Variants in NAALADL2 observed in about 807,000 individuals in gnomAD.
NAALADL2 encodes N-acetylated alpha-linked acidic dipeptidase like 2.
NAALADL2 carries 76 observed loss-of-function variants against 87.2 expected under a neutral mutation model. The ratio of observed to expected loss-of-function variants is 0.87; its 90% CI spans 0.72 to 1.05. NAALADL2 has a LOEUF of 1.05. Ranked by LOEUF, NAALADL2 falls within the 50% of genes least tolerant of loss-of-function variation. NAALADL2 has a pLI of 0.00. For synonymous variants in NAALADL2, 354 were observed against 331.0 expected (o/e 1.07, Z -0.75); for missense variants, 1,089 against 945.8 (o/e 1.15, Z -1.99).
intron 5 of NAALADL2, among the ~76,000 whole-genome samples, chr3:175,376,451 A>G (rs1422716041): frequency 6.6e-6 from 1 of 152,024 alleles, no homozygotes; most frequent in Non-Finnish European, 1.5e-5. Flanking sequence ...GTTGTTCTAT[A>G]GACTTGTGGA....
At chr3:174,521,568 T>A (rs1720289355) in intron 1 of NAALADL2, among the ~76,000 whole-genome samples, 1 of 70,764 alleles carries the variant, frequency 1.4e-5, no homozygotes, top group Non-Finnish European at 2.4e-5. Flanking sequence ...CTAGACCCTG[T>A]CTCAAAAAAA....
chr3:174,550,437 A>T (rs1711982539), intron 1 of NAALADL2: 1 of 152,104 alleles, frequency 6.6e-6, no homozygotes, highest in Non-Finnish European at 1.5e-5. Flanking sequence ...TAGTTAAAAG[A>T]TTCTGCAACA....
chr3:174,532,391 T>C (rs1721327072), intron 1 of NAALADL2, among the ~76,000 whole-genome samples: 1 of 152,114 alleles, frequency 6.6e-6, no homozygotes, highest in Admixed American at 6.5e-5. Context: ...CTTATCACTA[T>C]TGAGAGGTCA....
intron 5 of NAALADL2, among the ~76,000 whole-genome samples, chr3:175,425,240 C>T (rs188110721): frequency 1.5e-3 from 230 of 152,094 alleles, no homozygotes; most frequent in East Asian, 7.6e-3. Flanking sequence ...AAATATGTAA[C>T]GTGAGGTTCT....
In NAALADL2 at chr3:175,355,022, A is replaced by ATGTGTGTG. The variant is rs3067322; in HGVS notation, c.1090+30727_1090+30734dup. The stretch of plus-strand genomic sequence containing the variant: ...TTATATATATAATTGCTATATATAT[A>ATGTGTGTG]TGTGTGTGTGTGTGTGTGTGTGTGT... On this transcript the variant is annotated intron_variant, in intron 5 of 13. Coordinates refer to ENST00000454872, the MANE Select transcript of NAALADL2 (RefSeq NM_207015.3). Among the ~76,000 whole-genome samples, 709 of 139,426 alleles carry ATGTGTGTG rather than the reference A, an allele frequency of 5.1e-3. 7 individuals carry two copies. Among genetic ancestry groups the ATGTGTGTG allele is most frequent in the African/African-American group, 0.019 (676 of 36,276 alleles). The allele number at this position is 139,426 out of a possible 152,430, so 91.5% of individuals were successfully genotyped here.
intron 5 of NAALADL2, among the ~76,000 whole-genome samples, chr3:175,326,108 T>A (rs1760675804): frequency 6.6e-6 from 1 of 152,238 alleles, no homozygotes; most frequent in Non-Finnish European, 1.5e-5. Flanking sequence ...GCTGCTTAGA[T>A]ATATTCTTCT....
At chr3:175,761,408 G>A (rs959629204) in intron 13 of NAALADL2, among the ~76,000 whole-genome samples, 24 of 152,260 alleles carry the variant, frequency 1.6e-4, no homozygotes, top group African/African-American at 1.9e-4. Context: ...CATTTTTGAA[G>A]GGCATTTTTG....
intron 4 of NAALADL2, among the ~76,000 whole-genome samples, chr3:175,258,702 T>C (rs377290856): frequency 1.8e-3 from 271 of 152,280 alleles, no homozygotes; most frequent in African/African-American, 6.1e-3. Context: ...GCCTGGTGAC[T>C]GGGGCTTCAA....
At chr3:175,218,456 C>A (rs1196665611) in intron 2 of NAALADL2, among the ~76,000 whole-genome samples, 1 of 152,140 alleles carries the variant, frequency 6.6e-6, no homozygotes, top group South Asian at 2.1e-4. Context: ...TTTGTTTTTG[C>A]TTTTGTTTTA....
intron 8 of NAALADL2, among the ~76,000 whole-genome samples, chr3:175,470,897 T>A (rs1412617780): frequency 6.6e-6 from 1 of 152,174 alleles, no homozygotes; most frequent in Non-Finnish European, 1.5e-5. Flanking sequence ...CACAGGGTTA[T>A]TTTGTGCAGC....
chr3:175,726,442 T>C (rs747911802), intron 11 of NAALADL2, among the ~76,000 whole-genome samples: 13 of 152,276 alleles, frequency 8.5e-5, no homozygotes, highest in Non-Finnish European at 1.6e-4. Flanking sequence ...AACACCTCCA[T>C]GGAGCAATGC....
intron 1 of NAALADL2, among the ~76,000 whole-genome samples, chr3:174,546,985 G>A (rs1490404499): frequency 2.0e-5 from 3 of 152,110 alleles, no homozygotes; most frequent in African/African-American, 7.2e-5. Context: ...TGGATTTGGG[G>A]ATGGAGAAGA....
intron 9 of NAALADL2, among the ~76,000 whole-genome samples, chr3:175,529,418 G>C (rs111297608): frequency 0.023 from 3,438 of 152,134 alleles, 138 homozygotes; most frequent in African/African-American, 0.079. Context: ...CAGTTTACTA[G>C]TGGCTCACTA....
At chr3:175,263,788 T>A (rs935795089) in intron 4 of NAALADL2, among the ~76,000 whole-genome samples, 2 of 151,642 alleles carry the variant, frequency 1.3e-5, no homozygotes, top group Admixed American at 6.6e-5. Context: ...CAGCAGCTAA[T>A]CCCTTCTATA....
intron 1 of NAALADL2, among the ~76,000 whole-genome samples, chr3:174,969,853 G>T (rs1341388035): frequency 1.3e-5 from 2 of 152,048 alleles, no homozygotes; most frequent in Admixed American, 6.6e-5. Flanking sequence ...AAATAAAGAA[G>T]ACCTAAACAT....
intron 4 of NAALADL2, among the ~76,000 whole-genome samples, chr3:175,276,985 C>A (rs1476654140): frequency 1.3e-5 from 2 of 151,962 alleles, no homozygotes; most frequent in East Asian, 1.9e-4. Context: ...TATGGCAACT[C>A]CTAGCAAAAA....
chr3:174,917,223 G>GT (rs1409580358), intron 1 of NAALADL2, among the ~76,000 whole-genome samples: 9 of 151,994 alleles, frequency 5.9e-5, no homozygotes, highest in Admixed American at 5.2e-4. Flanking sequence ...TGAAAAAAAA[G>GT]TTACTACAAT....
In NAALADL2 at chr3:174,640,675, G is replaced by A. The variant is rs113996204; in HGVS notation, c.-115+90038G>A. Among the ~76,000 whole-genome samples, 1,131 of 152,308 alleles carry A rather than the reference G, an allele frequency of 7.4e-3. 12 individuals carry two copies. The highest frequency in any genetic ancestry group is 0.026 in the African/African-American group (1,074 of 41,576). Reference sequence around the variant, plus strand: ...CTGGCCAGGGTGTCTGGCCCTCGGGGCCTTTTTGCCTTTAGCTTTTCTGAT... The same window carrying A: ...CTGGCCAGGGTGTCTGGCCCTCGGGACCTTTTTGCCTTTAGCTTTTCTGAT... On this transcript the variant is annotated intron_variant, in intron 2 of 3. Coordinates refer to the NAALADL2 transcript ENST00000434257.
At chr3:174,959,812 T>C (rs1168248321) in intron 1 of NAALADL2, among the ~76,000 whole-genome samples, 2 of 152,096 alleles carry the variant, frequency 1.3e-5, no homozygotes, top group African/African-American at 2.4e-5. Flanking sequence ...TTAGATTATG[T>C]CATTTTAATA....
Sources: allele counts gnomAD v4.1 joint callset (sites outside exome capture counted in the v4.1 genomes callset), GRCh38; gene constraint gnomAD v4.1.1; transcripts MANE v1.5; gene names NCBI Gene and HGNC (gene_info 2026-07-23, HGNC 2026-07-21).